The following KANSL1 variants were observed in gnomAD, a reference collection of about 807,000 sequenced individuals.
KANSL1 encodes the protein KAT8 regulatory NSL complex subunit 1, also known as MLL1/MLL complex subunit KANSL1.
KANSL1 carries 22 observed loss-of-function variants against 103.6 expected under a neutral mutation model. That is an observed-to-expected ratio of 0.21 (90% CI 0.15 to 0.30). The LOEUF is 0.30. Ranked by LOEUF, KANSL1 falls within the 10% of genes least tolerant of loss-of-function variation. KANSL1 has a pLI of 1.00. For missense variants in KANSL1, 1,337 were observed against 1,399.8 expected (o/e 0.96, Z 0.72); for synonymous variants, 600 against 527.6 (o/e 1.14, Z -1.88).
intron 7 of KANSL1, chr17:46,044,359 T>C (rs2077430047): frequency 6.6e-6 from 1 of 152,220 alleles, no homozygotes; most frequent in Admixed American, 6.5e-5. Context: ...GGGTCTGACA[T>C]TCCACGATTC....
chr17:46,118,587 A>G (rs2043142740), intron 2 of KANSL1, among the ~76,000 whole-genome samples: 1 of 152,230 alleles, frequency 6.6e-6, no homozygotes, highest in Non-Finnish European at 1.5e-5. Context: ...CATTTCTAGC[A>G]GATTTCTAGG....
At chr17:46,169,683 T>C (rs2046182409) in intron 2 of KANSL1, 1 of 152,250 alleles carries the variant, frequency 6.6e-6, no homozygotes, top group Non-Finnish European at 1.5e-5. Flanking sequence ...CTCTCTCAAA[T>C]CTGATATTCC....
At chr17:46,164,940 G>T (rs2045920734) in intron 2 of KANSL1, among the ~76,000 whole-genome samples, 1 of 152,274 alleles carries the variant, frequency 6.6e-6, no homozygotes, top group Admixed American at 6.5e-5. Context: ...TTTATGAAAT[G>T]ATAAAGAGTA....
rs868719408 is a variant in KANSL1 at position 46,171,783 on chromosome 17, G to C, written c.361C>G (p.Arg121Gly). 1 of 1,610,858 alleles carries C rather than the reference G, an allele frequency of 6.2e-7. No homozygotes were observed. The highest frequency in any genetic ancestry group is 8.5e-7 in the Non-Finnish European group (1 of 1,178,380). Residue 121 changes from arginine (R) to glycine (G), a missense_variant, in exon 2 of 15, where the codon CGA (arginine) becomes GGA (glycine). Arg to Gly is a moderately radical substitution (Grantham distance 125, BLOSUM62 -2). This residue lies in a region of KANSL1 where 557 missense variants were observed against 476.4 expected (regional missense o/e 1.17). Coordinates refer to ENST00000432791, the MANE Select transcript of KANSL1 (RefSeq NM_015443.4). ...GGCTGTCTCCCCAACAGCTCAGCTCGGAGTTCATAGGACTGAGATAAGAGA... is the reference window on the plus strand; with the variant it reads ...GGCTGTCTCCCCAACAGCTCAGCTCCGAGTTCATAGGACTGAGATAAGAGA... Reference protein sequence around the residue: ...HPLLSQSYELRAELLGRQPVL... With the variant: ...HPLLSQSYELGAELLGRQPVL...
chr17:46,213,153 G>C (rs142567969), intron 1 of KANSL1, among the ~76,000 whole-genome samples: 2 of 152,214 alleles, frequency 1.3e-5, no homozygotes, highest in African/African-American at 4.8e-5. Context: ...AGAACCATAC[G>C]CTTGCCTGTC....
intron 1 of KANSL1, among the ~76,000 whole-genome samples, chr17:46,215,941 G>A (rs1278395775): frequency 6.6e-6 from 1 of 152,134 alleles, no homozygotes; most frequent in Non-Finnish European, 1.5e-5. Context: ...CCCGGAGGCT[G>A]AGGCAAGAGA....
At chr17:46,096,302 C>CTTTTTTTTTTTTTTTTTTTT (rs1273083741) in intron 2 of KANSL1, among the ~76,000 whole-genome samples, 1 of 82,594 alleles carries the variant, frequency 1.2e-5, no homozygotes, top group East Asian at 5.9e-4. Context: ...ACATACCTGG[C>CTTTTTTTTTTTTTTTTTTTT]TTTTTTTTCT....
chr17:46,096,315 T>C (rs398052694), intron 2 of KANSL1, among the ~76,000 whole-genome samples: 88 of 70,766 alleles, frequency 1.2e-3, no homozygotes, highest in Non-Finnish European at 2.7e-3. Context: ...TTTTTTCTTT[T>C]TTTTTTTTTT....
chr17:46,200,490 C>G (rs1375384097), intron 1 of KANSL1, among the ~76,000 whole-genome samples: 1 of 152,320 alleles, frequency 6.6e-6, no homozygotes, highest in East Asian at 1.9e-4. Flanking sequence ...TGCCTGTAAT[C>G]CCAGCACTTT....
At chr17:46,092,673 G>A (rs927136486) in intron 3 of KANSL1, among the ~76,000 whole-genome samples, 5 of 132,966 alleles carry the variant, frequency 3.8e-5, no homozygotes, top group African/African-American at 1.4e-4. Context: ...CATAATGTTG[G>A]TAGCGAGATA....
chr17:46,173,342 C>G (rs1488181101), intron 1 of KANSL1, among the ~76,000 whole-genome samples: 1 of 152,220 alleles, frequency 6.6e-6, no homozygotes, highest in Non-Finnish European at 1.5e-5. Context: ...GCTCAGAATT[C>G]ACTTTCTCCT....
chr17:46,053,503 C>T (rs1347012613), intron 6 of KANSL1, among the ~76,000 whole-genome samples: 2 of 151,402 alleles, frequency 1.3e-5, no homozygotes, highest in Non-Finnish European at 2.9e-5. Context: ...GGCTGGAGTG[C>T]AGTGGCGCAA....
intron 10 of KANSL1, chr17:46,038,186 G>A (rs974713533): frequency 4.0e-5 from 9 of 225,652 alleles, no homozygotes; most frequent in Non-Finnish European, 6.0e-5. Flanking sequence ...TCACTTCTTG[G>A]GCCAACAGGA....
At chr17:46,048,053 G>A (rs914037226) in intron 7 of KANSL1, among the ~76,000 whole-genome samples, 3 of 151,868 alleles carry the variant, frequency 2.0e-5, no homozygotes, top group African/African-American at 4.8e-5. Context: ...GACGACAGGC[G>A]TGTGCCACCA....
At chr17:46,163,721 C>T (rs984357507) in intron 2 of KANSL1, among the ~76,000 whole-genome samples, 40 of 152,328 alleles carry the variant, frequency 2.6e-4, no homozygotes, top group Non-Finnish European at 4.0e-4. Flanking sequence ...ATGATCCCTC[C>T]CGTCATTGCC....
At chr17:46,101,793 A>C (rs558860289) in intron 2 of KANSL1, among the ~76,000 whole-genome samples, 44 of 144,590 alleles carry the variant, frequency 3.0e-4, no homozygotes, top group African/African-American at 1.0e-3. Context: ...ATAACAATTT[A>C]GTCATTATAA....
chr17:46,096,628 C>CT (rs544432917), intron 2 of KANSL1, among the ~76,000 whole-genome samples: 5 of 147,086 alleles, frequency 3.4e-5, no homozygotes, highest in Admixed American at 2.7e-4. Flanking sequence ...CCCTGACTAA[C>CT]TTTTTTTTGA....
upstream of KANSL1, chr17:46,196,133 C>T (rs1286276475): frequency 2.8e-6 from 1 of 357,056 alleles, no homozygotes; most frequent in Non-Finnish European, 5.4e-6. Context: ...GTCCCAGCTA[C>T]TCCAGAAGCT....
At chr17:46,213,323 C>T (rs1393453236) in intron 1 of KANSL1, among the ~76,000 whole-genome samples, 6 of 152,206 alleles carry the variant, frequency 3.9e-5, no homozygotes, top group Middle Eastern at 3.4e-3. Flanking sequence ...TTTTTTGAGA[C>T]GGAGTCTCGC....
Sources: gnomAD v4.1 joint callset for allele counts (sites outside exome capture counted in the v4.1 genomes callset) on GRCh38, gnomAD v4.1.1 for gene constraint, gnomAD v4.1.1 regional missense constraint, MANE v1.5 for transcripts, NCBI Gene and HGNC (gene_info 2026-07-23, HGNC 2026-07-21) for gene names.